PCDHGA3: variants seen among roughly 807,000 people sequenced by gnomAD.
PCDHGA3 encodes protocadherin gamma subfamily A, 3.
In PCDHGA3, 40 loss-of-function variants were observed where a neutral mutation model predicts 58.5. That is an observed-to-expected ratio of 0.68 (90% CI 0.53 to 0.89). PCDHGA3 has a LOEUF of 0.89. Ranked by LOEUF, PCDHGA3 falls within the 40% of genes least tolerant of loss-of-function variation. The pLI is 0.00. For synonymous variants in PCDHGA3, 530 were observed against 525.7 expected (o/e 1.01, Z -0.11); for missense variants, 1,223 against 1,195.9 (o/e 1.02, Z -0.33).
At chr5:141,407,135 G>T (rs2094890312) in intron 1 of PCDHGA3, among the ~76,000 whole-genome samples, 1 of 151,812 alleles carries the variant, frequency 6.6e-6, no homozygotes, top group African/African-American at 2.4e-5. Context: ...TTATTTTTAA[G>T]AAAAAAAAGC....
rs781026604 is a variant in PCDHGA3, at chr5:141,490,471, C to A, written c.2425-4336C>A. The A allele has an allele frequency of 6.2e-7, 1 of 1,614,214 alleles. No individual in the cohort carries two copies. The highest frequency in any genetic ancestry group is 1.1e-5 in the South Asian group (1 of 91,088). On this transcript the variant is annotated intron_variant, in intron 1 of 3. Transcript: ENST00000253812. This position sits in a 1 kb window ranked among gnomAD's most constrained non-coding sequence, Gnocchi z 5.4. ...CCACTACTCGCTGCTAACCAGCCAGCCTTTGGACCGGGAGGCCACATCCCA... is the reference window on the plus strand; with the variant it reads ...CCACTACTCGCTGCTAACCAGCCAGACTTTGGACCGGGAGGCCACATCCCA...
intron 1 of PCDHGA3, chr5:141,388,897 A>G (rs768114504): frequency 6.2e-7 from 1 of 1,613,994 alleles, no homozygotes; most frequent in Non-Finnish European, 8.5e-7. Context: ...GTCATAGATG[A>G]AAATGACAAC....
rs2099085120 is a variant in PCDHGA3, at chr5:141,464,455, T to C, written c.2425-30352T>C. Among the ~76,000 whole-genome samples, 2 of 151,794 alleles carry C rather than the reference T, an allele frequency of 1.3e-5. 1 individual carries two copies. Among genetic ancestry groups the C allele is most frequent in the Non-Finnish European group, 2.9e-5 (2 of 67,958 alleles). On this transcript the variant is annotated intron_variant, in intron 1 of 3. Coordinates refer to ENST00000253812, the MANE Select transcript of PCDHGA3 (RefSeq NM_018916.4). ...TATATGTTTGTTGTTGTTGTTGTTA[T>C]TTTTGAAGTATGTACGTATAATAAA...
chr5:141,346,971 A>G (rs1757833913), intron 1 of PCDHGA3, among the ~76,000 whole-genome samples: 1 of 152,134 alleles, frequency 6.6e-6, no homozygotes, highest in Non-Finnish European at 1.5e-5. Context: ...GACTCCTTCC[A>G]AGACAGGTGA....
intron 1 of PCDHGA3, among the ~76,000 whole-genome samples, chr5:141,469,802 CATT>C (rs2099211643): frequency 6.6e-6 from 1 of 152,022 alleles, no homozygotes; most frequent in Admixed American, 6.6e-5. Context: ...ATTGCAAAAA[CATT>C]GTAGATAGAA....
At chr5:141,351,044 A>T (rs1404699564) in intron 1 of PCDHGA3, 5 of 1,613,948 alleles carry the variant, frequency 3.1e-6, no homozygotes, top group Non-Finnish European at 4.2e-6. Flanking sequence ...GCTGCGGGTG[A>T]TGGCCACAGA....
intron 1 of PCDHGA3, among the ~76,000 whole-genome samples, chr5:141,380,801 AT>A (rs1776749377): frequency 6.6e-6 from 1 of 152,258 alleles, no homozygotes; most frequent in Non-Finnish European, 1.5e-5. Context: ...TAAGAAACAA[AT>A]GTGAGATGAA....
At chr5:141,422,272 A>G in intron 1 of PCDHGA3, 1 of 1,561,362 alleles carries the variant, frequency 6.4e-7, no homozygotes, top group Non-Finnish European at 8.6e-7. Context: ...TCCAGAAATA[A>G]CTATCACCTC....
chr5:141,453,701 AAC>A (rs1250174252), intron 1 of PCDHGA3, among the ~76,000 whole-genome samples: 1 of 152,240 alleles, frequency 6.6e-6, no homozygotes, highest in Non-Finnish European at 1.5e-5. Context: ...CCTGGCTTTG[AAC>A]AGTTTCACTA....
chr5:141,459,171 A>G (rs2098962477), intron 1 of PCDHGA3, among the ~76,000 whole-genome samples: 1 of 152,180 alleles, frequency 6.6e-6, no homozygotes, highest in Non-Finnish European at 1.5e-5. Flanking sequence ...ATAACCTTCA[A>G]AAGTTCCCTC....
intron 1 of PCDHGA3, chr5:141,414,961 G>T: frequency 6.2e-7 from 1 of 1,614,028 alleles, no homozygotes; most frequent in South Asian, 1.1e-5. Flanking sequence ...GACCAAGGTG[G>T]TGGCGGTGGA....
chr5:141,351,748 G>T (rs1441562822), intron 1 of PCDHGA3: 2 of 1,613,560 alleles, frequency 1.2e-6, no homozygotes, highest in East Asian at 4.5e-5. Context: ...AGCCGCGGGA[G>T]CTGTTGTCCT....
chr5:141,355,330 G>A (rs1759801275), intron 1 of PCDHGA3: 2 of 1,614,036 alleles, frequency 1.2e-6, no homozygotes, highest in Non-Finnish European at 1.7e-6. Flanking sequence ...AGAAGGCTCA[G>A]TGGTGGGCAA....
chr5:141,494,607 C>T (rs2099755630), intron 1 of PCDHGA3, among the ~76,000 whole-genome samples, 200 bp from the exon 2 acceptor site: 2 of 152,092 alleles, frequency 1.3e-5, no homozygotes, highest in South Asian at 2.1e-4. Flanking sequence ...TGTGATTTAT[C>T]TCTTGGTTTC....
At chr5:141,414,288 C>T (rs368826232) in intron 1 of PCDHGA3, 40 of 1,613,502 alleles carry the variant, frequency 2.5e-5, no homozygotes, top group South Asian at 4.4e-5. Context: ...CAGTCGTAGC[C>T]CTTTTAAATG....
intron 1 of PCDHGA3, chr5:141,384,281 T>C (rs766739394): frequency 9.9e-6 from 16 of 1,613,774 alleles, no homozygotes; most frequent in Admixed American, 6.7e-5. Flanking sequence ...TCAGTCTACA[T>C]CGCTGAGAAC....
chr5:141,344,748 C>G lies in PCDHGA3; in HGVS notation c.715C>G (p.Pro239Ala), dbSNP rs1004554278. Residue 239 changes from proline (P) to alanine (A), a missense_variant, in exon 1 of 4, where the codon CCA becomes GCA. Physicochemically the swap from Pro to Ala is conservative, Grantham distance 27. Transcript: ENST00000253812. Reference protein sequence around the residue: ...QVIVLDANDNPPMFTQPEYRV... With the variant: ...QVIVLDANDNAPMFTQPEYRV... ...GATAGTCCTGGATGCAAATGACAACCCACCAATGTTTACTCAGCCTGAGTA... is the reference window on the plus strand; with the variant it reads ...GATAGTCCTGGATGCAAATGACAACGCACCAATGTTTACTCAGCCTGAGTA... 3 of 1,613,884 alleles carry G rather than the reference C, an allele frequency of 1.9e-6. No individual in the cohort carries two copies. The highest frequency in any genetic ancestry group is 2.5e-6 in the Non-Finnish European group (3 of 1,179,906).
chr5:141,406,096 G>A (rs966441415), intron 1 of PCDHGA3, among the ~76,000 whole-genome samples: 1 of 150,800 alleles, frequency 6.6e-6, no homozygotes, highest in Non-Finnish European at 1.5e-5. Context: ...TTAAGAGATG[G>A]GGGTGTCATT....
chr5:141,415,375 G>A (rs1453832867), intron 1 of PCDHGA3: 12 of 1,614,258 alleles, frequency 7.4e-6, no homozygotes, highest in South Asian at 1.1e-5. Context: ...GGCTTCAGGA[G>A]GCGGCTTGAC....
Sources: allele counts gnomAD v4.1 joint callset (sites outside exome capture counted in the v4.1 genomes callset), GRCh38; gene constraint gnomAD v4.1.1; non-coding constraint Gnocchi (gnomAD v3.1); transcripts MANE v1.5; gene names NCBI Gene and HGNC (gene_info 2026-07-23, HGNC 2026-07-21).